Variants in NXPE4 observed in about 807,000 individuals in gnomAD.
The protein encoded by NXPE4 is neurexophilin and PC-esterase domain family member 4.
Under a neutral mutation model 33.3 loss-of-function variants are expected in NXPE4, and 42 were observed. The ratio of observed to expected loss-of-function variants is 1.26; its 90% CI spans 0.98 to 1.63. The LOEUF (loss-of-function observed/expected upper bound fraction) is 1.63, where lower values mean the gene tolerates loss of function less well. Among genes scored for constraint, NXPE4 ranks in the 40% most tolerant of loss-of-function variants. The pLI, the probability that NXPE4 is intolerant of heterozygous loss-of-function variation, is 0.00. For synonymous variants in NXPE4, 253 were observed against 234.9 expected (o/e 1.08, Z -0.71); for missense variants, 709 against 647.6 (o/e 1.09, Z -1.03).
At chr11:114,630,417 TG>T in the NXPE4 span, among the ~76,000 whole-genome samples, 2 of 151,782 alleles carry the variant, frequency 1.3e-5, no homozygotes, top group African/African-American at 4.9e-5. Context: ...AAACAAGCAA[TG>T]GGGAAAGTAT....
the NXPE4 span, among the ~76,000 whole-genome samples, chr11:114,624,763 T>C: frequency 6.6e-6 from 1 of 152,152 alleles, no homozygotes; most frequent in Non-Finnish European, 1.5e-5. Flanking sequence ...ACCCAGTGGA[T>C]AGTAAGTATT....
At chr11:114,577,597 C>T (rs1003151030) in intron 5 of NXPE4, among the ~76,000 whole-genome samples, 3 of 152,098 alleles carry the variant, frequency 2.0e-5, no homozygotes, top group East Asian at 1.9e-4. Flanking sequence ...TGAAAGATTA[C>T]GTGCACGCCA....
the NXPE4 span, among the ~76,000 whole-genome samples, chr11:114,650,543 C>T: frequency 6.6e-6 from 1 of 152,088 alleles, no homozygotes; most frequent in Admixed American, 6.6e-5. Context: ...GGAGGAAGGG[C>T]AAGTACTGTT....
chr11:114,587,296 A>G (rs1403342799), intron 2 of NXPE4, among the ~76,000 whole-genome samples: 3 of 152,218 alleles, frequency 2.0e-5, no homozygotes, highest in East Asian at 1.9e-4. Flanking sequence ...TCTGCCTCCA[A>G]TTAAAATGGT....
chr11:114,650,421 G>A, the NXPE4 span, among the ~76,000 whole-genome samples: 1 of 152,192 alleles, frequency 6.6e-6, no homozygotes, highest in Non-Finnish European at 1.5e-5. Context: ...ACTCAGAGAA[G>A]ACCAGGAGAT....
chr11:114,578,377 G>A (rs1949062585), intron 5 of NXPE4, among the ~76,000 whole-genome samples: 1 of 152,182 alleles, frequency 6.6e-6, no homozygotes, highest in Non-Finnish European at 1.5e-5. Context: ...GAAGAGGGTA[G>A]GTAACTCCAT....
chr11:114,670,217 TAAC>T, the NXPE4 span, among the ~76,000 whole-genome samples: 1,331 of 152,108 alleles, frequency 8.8e-3, 19 homozygotes, highest in African/African-American at 0.031. Flanking sequence ...TTAGGTATGA[TAAC>T]AACAGATGGA....
the NXPE4 span, among the ~76,000 whole-genome samples, chr11:114,623,156 G>T: frequency 6.6e-6 from 1 of 151,376 alleles, no homozygotes; most frequent in Non-Finnish European, 1.5e-5. Context: ...TGGGTAACCA[G>T]TGTTAACCGG....
At chr11:114,636,682 C>G in the NXPE4 span, among the ~76,000 whole-genome samples, 1 of 152,016 alleles carries the variant, frequency 6.6e-6, no homozygotes, top group African/African-American at 2.4e-5. Flanking sequence ...TCATTGATTT[C>G]AAAGAACATC....
At chr11:114,585,240 A>G (rs1949263816) in intron 2 of NXPE4, among the ~76,000 whole-genome samples, 1 of 151,802 alleles carries the variant, frequency 6.6e-6, no homozygotes. Context: ...CTCCACCTGC[A>G]GAATTGGGGG....
At chr11:114,616,082 C>A in the NXPE4 span, among the ~76,000 whole-genome samples, 2 of 151,622 alleles carry the variant, frequency 1.3e-5, no homozygotes, top group African/African-American at 4.9e-5. Flanking sequence ...AACACTGTTA[C>A]CTGCTGCATA....
At chr11:114,611,467 G>C in the NXPE4 span, among the ~76,000 whole-genome samples, 87 of 149,356 alleles carry the variant, frequency 5.8e-4, no homozygotes, top group African/African-American at 2.0e-3. Flanking sequence ...GTATTGCCTC[G>C]TGGGTAACCA....
the NXPE4 span, among the ~76,000 whole-genome samples, chr11:114,633,719 G>T: frequency 2.0e-5 from 3 of 151,602 alleles, no homozygotes; most frequent in South Asian, 2.1e-4. Context: ...GTGGCGTTTG[G>T]TTTTTTGTCC....
intron 5 of NXPE4, among the ~76,000 whole-genome samples, chr11:114,577,571 A>T (rs946708722): frequency 2.0e-5 from 3 of 152,156 alleles, no homozygotes; most frequent in Non-Finnish European, 2.9e-5. Context: ...AAAATTAAAA[A>T]AGTGTTATGT....
At chr11:114,610,320 C>T in the NXPE4 span, among the ~76,000 whole-genome samples, 24 of 151,290 alleles carry the variant, frequency 1.6e-4, no homozygotes, top group African/African-American at 4.9e-4. Flanking sequence ...CACTGTTATC[C>T]GGTGAATAAT....
rs985795441 is a variant in NXPE4, at chr11:114,592,437, C to T, written c.96+2227G>A. 4.6e-5 allele frequency among the ~76,000 whole-genome samples: 7 copies of T among 151,628 alleles called. No individual in the cohort carries two copies. The South Asian group carries it at 6.2e-4, about 14-fold the overall frequency. Reference sequence around the variant, plus strand: ...TTTCATTTACAGTAGCTACAAAAACCCTAGGAATAAATTGATCTAAAGAGG... The same window carrying T: ...TTTCATTTACAGTAGCTACAAAAACTCTAGGAATAAATTGATCTAAAGAGG... On this transcript the variant is annotated intron_variant, in intron 2 of 5. Transcript: ENST00000375478.
At chr11:114,595,547 T>A (rs779191342) in intron 1 of NXPE4, 45 bp downstream of exon 1, 1 of 152,340 alleles carries the variant, frequency 6.6e-6, no homozygotes, top group Non-Finnish European at 1.5e-5. Context: ...AAAATAAATG[T>A]CACACCTTTC....
At position 114,582,873 on chromosome 11, in the gene NXPE4, T is replaced by A; in HGVS notation, c.245A>T (p.Gln82Leu). ...IKEIIEKLDQ[Q>L]IPPRPFTHVN... ...GTGGGTGAAAGGTCTGGGTGGGATC[T>A]GCTGATCTAGTTTCTCTATGATTTC... The change falls in exon 3 of 6, where the codon CAG becomes CTG. Residue 82 changes from glutamine (Q) to leucine (L), a missense_variant. By Grantham distance (113) the Gln-to-Leu change is moderately radical. Transcript: ENST00000375478. 1.2e-6 allele frequency: 2 copies of A among 1,614,212 alleles called. No homozygotes were observed. The highest frequency in any genetic ancestry group is 1.7e-6 in the Non-Finnish European group (2 of 1,180,014).
chr11:114,583,588 G>A, intron 2 of NXPE4: 3 of 595,410 alleles, frequency 5.0e-6, no homozygotes, highest in Non-Finnish European at 1.0e-5. Context: ...TCTGTCAGTT[G>A]TCTACTGGTG....
Sources: gnomAD v4.1 joint callset for allele counts (sites outside exome capture counted in the v4.1 genomes callset) on GRCh38, gnomAD v4.1.1 for gene constraint, MANE v1.5 for transcripts, NCBI Gene and HGNC (gene_info 2026-07-23, HGNC 2026-07-21) for gene names.